PCDH10: variants seen among roughly 807,000 people sequenced by gnomAD.
PCDH10 encodes the protein protocadherin-10.
Under a neutral mutation model 74.4 loss-of-function variants are expected in PCDH10, and 15 were observed. The observed-to-expected ratio is 0.20, with a 90% CI of 0.13 to 0.31. The LOEUF (loss-of-function observed/expected upper bound fraction) is 0.31, where lower values mean the gene tolerates loss of function less well. Ranked by LOEUF, PCDH10 falls within the 10% of genes least tolerant of loss-of-function variation. The pLI, the probability that PCDH10 is intolerant of heterozygous loss-of-function variation, is 1.00. For synonymous variants in PCDH10, 619 were observed against 589.8 expected, an observed-to-expected ratio of 1.05 and a Z score of -0.72; for missense variants, 1,260 against 1,390.2, an observed-to-expected ratio of 0.91 and a Z score of 1.49.
rs1195701899 is a variant in PCDH10 at position 133,151,667 on chromosome 4, C to A, written c.1527C>A (p.Gly509=). Residue 509 remains glycine (G), a synonymous_variant, in exon 1 of 5, where the codon GGC becomes GGA. Transcript: ENST00000264360. ...CTATCCTCGAGTGCCAGATCCAGGG[C>A]ATGAGCGTCTTCACCTACGTTTCTA... ...AYSILECQIQ[G]MSVFTYVSIN... 2.5e-6 allele frequency: 4 copies of A among 1,613,610 alleles called. No homozygotes were observed. The African/African-American group carries it at 5.3e-5, about 22-fold the overall frequency.
intron 4 of PCDH10, among the ~76,000 whole-genome samples, chr4:133,184,481 GGCGTTGTGGTGCGCAACTGTA>G (rs1727488666): frequency 6.6e-6 from 1 of 151,460 alleles, no homozygotes; most frequent in South Asian, 2.1e-4. Context: ...AAATTAGCCT[GGCGTTGTGGTGCGCAACTGTA>G]ATCCCAGCTA....
chr4:133,200,234 T>C (rs932596545), intron 2 of PCDH10, among the ~76,000 whole-genome samples: 1 of 152,084 alleles, frequency 6.6e-6, no homozygotes, highest in African/African-American at 2.4e-5. Flanking sequence ...AGTAATTTTA[T>C]AAATATATCA....
At position 133,152,585 on chromosome 4, in the gene PCDH10, C is replaced by A; in HGVS notation, c.2445C>A (p.His815Gln). 6.2e-7 allele frequency: 1 copy of A among 1,614,166 alleles called. No individual in the cohort carries two copies. Among genetic ancestry groups the A allele is most frequent in the Non-Finnish European group, 8.5e-7 (1 of 1,180,044 alleles). The change falls in exon 1 of 5, where the codon CAC (histidine) becomes CAA (glutamine). Residue 815 changes from histidine (H) to glutamine (Q), a missense_variant. By Grantham distance (24) the His-to-Gln change is conservative. This residue lies in a region of PCDH10 where 587 missense variants were observed against 616.9 expected (regional missense o/e 0.95). Transcript: ENST00000264360. The part of the protein sequence containing the change: ...EESGGFGSHH[H>Q]NQNYCYQVCL... ...CCGGGGGCTTTGGCTCCCACCACCA[C>A]AACCAGAATTACTGCTATCAGGTAT... is the stretch of plus-strand genomic sequence containing the variant.
rs1238182296 is a variant in PCDH10, at chr4:133,192,839, G to A, written c.*2679G>A. On this transcript the variant is annotated 3_prime_UTR_variant, in exon 5 of 5. Coordinates refer to ENST00000264360, the MANE Select transcript of PCDH10 (RefSeq NM_032961.3). ...AATGAGGGGGACTATAAAATGGAAA[G>A]TGCAACCAACAAATAATGAAGGTTT... 1 of 151,528 alleles carries A rather than the reference G, an allele frequency of 6.6e-6. No individual in the cohort carries two copies. The allele number at this position is 151,528 out of a possible 1,614,324, so 9.4% of individuals were successfully genotyped here. A position where few individuals can be genotyped will look rare whatever the true frequency, so the allele number is the denominator to read the frequency against.
At chr4:133,174,234 A>T (rs1233903462) in intron 4 of PCDH10, among the ~76,000 whole-genome samples, 1 of 151,960 alleles carries the variant, frequency 6.6e-6, no homozygotes, top group African/African-American at 2.4e-5. Flanking sequence ...GAAGTAATAC[A>T]TGCTTTCTTC....
In PCDH10 at chr4:133,159,728, CCA is replaced by C. The variant is rs1388240178; in HGVS notation, c.2798-3246_2798-3245del. 2.0e-5 allele frequency among the ~76,000 whole-genome samples: 3 copies of C among 151,616 alleles called. No homozygotes were observed. The East Asian group carries it at 5.8e-4, about 29-fold the overall frequency. On this transcript the variant is annotated intron_variant, in intron 3 of 4. Coordinates refer to ENST00000264360, the MANE Select transcript of PCDH10 (RefSeq NM_032961.3). The stretch of plus-strand genomic sequence containing the variant: ...GTCTGTAATTTTCTGTTCTAAAATC[CCA>C]CAGTTTCCATAGTAAGGCATTTGAA...
intron 3 of PCDH10, among the ~76,000 whole-genome samples, chr4:133,159,359 C>G (rs1440881394): frequency 6.6e-6 from 1 of 152,048 alleles, no homozygotes; most frequent in Non-Finnish European, 1.5e-5. Context: ...CTTTGCATAA[C>G]AGGCAGTCTA....
At position 133,193,511 on chromosome 4, in the gene PCDH10, A is replaced by G. The variant is rs557731064; in HGVS notation, c.*3351A>G. 2.6e-5 allele frequency: 4 copies of G among 151,818 alleles called. No individual in the cohort carries two copies. Among genetic ancestry groups the G allele is most frequent in the African/African-American group, 7.2e-5 (3 of 41,546 alleles). 9.4% of individuals were successfully genotyped at this position (151,818 alleles called of 1,614,324 possible). A position where few individuals can be genotyped will look rare whatever the true frequency, so the allele number is the denominator to read the frequency against. On this transcript the variant is annotated 3_prime_UTR_variant, in exon 5 of 5. Transcript: ENST00000264360. ...AGGAAAAAGAATCTCACAATTCCCA[A>G]TATAATCTTTAACAACTGTACGTTA... is the stretch of plus-strand genomic sequence containing the variant.
At chr4:133,194,828 A>C (rs1178757640), downstream of PCDH10, 5 of 151,964 alleles carry the variant, frequency 3.3e-5, no homozygotes, top group Non-Finnish European at 7.4e-5. Flanking sequence ...ATAGCTTTGA[A>C]AGTAGACATT....
At chr4:133,177,457 T>A (rs183418814) in intron 4 of PCDH10, among the ~76,000 whole-genome samples, 2 of 152,280 alleles carry the variant, frequency 1.3e-5, no homozygotes, top group Admixed American at 6.5e-5. Context: ...GTAATTCTCA[T>A]GTTTTTTTGA....
intron 2 of PCDH10, among the ~76,000 whole-genome samples, chr4:133,204,714 T>A (rs1727968046): frequency 6.6e-6 from 1 of 152,172 alleles, no homozygotes; most frequent in Non-Finnish European, 1.5e-5. Flanking sequence ...GTCATGGTTG[T>A]ACCATCCTTT....
In PCDH10 at chr4:133,154,292, T is replaced by C. The variant is rs765282745; in HGVS notation, c.2632-15T>C. The C allele has an allele frequency of 6.3e-7, 1 of 1,589,474 alleles. No individual in the cohort carries two copies. The highest frequency in any genetic ancestry group is 8.6e-7 in the Non-Finnish European group (1 of 1,161,664). Reference sequence around the variant, plus strand: ...TAGCATTCAAATGCTCTTGATTTATTTATTTTTTTCCTAGACTAAACACCA... The same window carrying C: ...TAGCATTCAAATGCTCTTGATTTATCTATTTTTTTCCTAGACTAAACACCA... On this transcript the variant is annotated splice_polypyrimidine_tract_variant and intron_variant, in intron 1 of 4. Transcript: ENST00000264360.
chr4:133,193,517 T>C lies in PCDH10; in HGVS notation c.*3357T>C, dbSNP rs1225143854. On this transcript the variant is annotated 3_prime_UTR_variant, in exon 5 of 5. Coordinates refer to ENST00000264360, the MANE Select transcript of PCDH10 (RefSeq NM_032961.3). ...AAGAATCTCACAATTCCCAATATAA[T>C]CTTTAACAACTGTACGTTAATTGTA... The C allele has an allele frequency of 2.6e-5, 4 of 151,696 alleles. No homozygotes were observed. The highest frequency in any genetic ancestry group is 5.9e-5 in the Non-Finnish European group (4 of 67,662). 9.4% of individuals were successfully genotyped at this position (151,696 alleles called of 1,614,324 possible).
chr4:133,152,220 G>C lies in PCDH10; in HGVS notation c.2080G>C (p.Gly694Arg). 6.3e-7 allele frequency: 1 copy of C among 1,592,660 alleles called. No individual in the cohort carries two copies. The highest frequency in any genetic ancestry group is 8.6e-7 in the Non-Finnish European group (1 of 1,168,688). ...CCAGGGCGGGGGCGGGAGCGGAGGCGGAGGGTCAGGAGAGCACCAGCGCCC... is the reference window on the plus strand; with the variant it reads ...CCAGGGCGGGGGCGGGAGCGGAGGCCGAGGGTCAGGAGAGCACCAGCGCCC... ...EPQGGGGSGGGGSGEHQRPSR... is the reference protein window; with the variant it reads ...EPQGGGGSGGRGSGEHQRPSR... The change falls in exon 1 of 5, where the codon GGA becomes CGA. Residue 694 changes from glycine (G) to arginine (R), a missense_variant. Physicochemically the swap from Gly to Arg is moderately radical, Grantham distance 125 (BLOSUM62 -2). Coordinates refer to ENST00000264360, the MANE Select transcript of PCDH10 (RefSeq NM_032961.3).
At chr4:133,199,340 C>A (rs1727857698), downstream of PCDH10, among the ~76,000 whole-genome samples, 1 of 143,154 alleles carries the variant, frequency 7.0e-6, no homozygotes, top group Admixed American at 7.0e-5. Flanking sequence ...AATTAAATAG[C>A]AAGATAACTT....
intron 4 of PCDH10, among the ~76,000 whole-genome samples, chr4:133,183,269 C>CCACT (rs1727455898): frequency 6.6e-6 from 1 of 152,070 alleles, no homozygotes; most frequent in African/African-American, 2.4e-5. Context: ...TTGCAGTAAT[C>CCACT]CACTGGAAAG....
At chr4:133,181,708 C>T (rs1029067445) in intron 4 of PCDH10, among the ~76,000 whole-genome samples, 2 of 151,874 alleles carry the variant, frequency 1.3e-5, no homozygotes, top group African/African-American at 4.8e-5. Flanking sequence ...TTTTTAACCC[C>T]CTTCTTAGTC....
chr4:133,176,662 A>G (rs988835300), intron 4 of PCDH10, among the ~76,000 whole-genome samples: 1 of 152,032 alleles, frequency 6.6e-6, no homozygotes, highest in African/African-American at 2.4e-5. Context: ...CAGTCTCCCT[A>G]TTTTTCTGTT....
chr4:133,178,157 A>C (rs76605495), intron 4 of PCDH10, among the ~76,000 whole-genome samples: 32,435 of 151,980 alleles, frequency 0.21, 3,664 homozygotes, highest in African/African-American at 0.25. Flanking sequence ...ATTTTGAATA[A>C]TAATACCAAT....
Sources: gnomAD v4.1 joint callset for allele counts (sites outside exome capture counted in the v4.1 genomes callset) on GRCh38, gnomAD v4.1.1 for gene constraint, gnomAD v4.1.1 regional missense constraint, MANE v1.5 for transcripts, NCBI Gene and HGNC (gene_info 2026-07-23, HGNC 2026-07-21) for gene names.